The following SUGT1 variants were observed in gnomAD, a reference collection of about 807,000 sequenced individuals.
SUGT1 encodes SGT1 assembly cochaperone of MIS12 kinetochore complex.
A neutral mutation model predicts 56.1 loss-of-function variants in SUGT1; 15 were observed. The observed-to-expected ratio is 0.27, with a 90% CI of 0.18 to 0.41. The LOEUF (loss-of-function observed/expected upper bound fraction) is 0.41. Among genes scored for constraint, SUGT1 ranks in the 10% least tolerant of loss-of-function variants. SUGT1 has a pLI of 1.00. For synonymous variants in SUGT1, 123 were observed against 128.6 expected, an observed-to-expected ratio of 0.96 and a Z score of 0.30; for missense variants, 347 against 382.2, an observed-to-expected ratio of 0.91 and a Z score of 0.77.
Position 52,692,978 on chromosome 13 carries a change from C to G in SUGT1, c.*5143C>G, listed in dbSNP as rs918108381. Reference sequence around the variant, plus strand: ...TTCCTTTAACTTGGGAGCTCTCATACCAGTTCCGTTGTACAAATGCTGAGA... The same window carrying G: ...TTCCTTTAACTTGGGAGCTCTCATAGCAGTTCCGTTGTACAAATGCTGAGA... On this transcript the variant is annotated 3_prime_UTR_variant, in exon 13 of 13. Coordinates refer to ENST00000310528, the MANE Select transcript of SUGT1 (RefSeq NM_006704.5). The G allele has an allele frequency of 3.3e-5, 5 of 152,136 alleles. No individual in the cohort carries two copies. Among genetic ancestry groups the G allele is most frequent in the Non-Finnish European group, 5.9e-5 (4 of 68,028 alleles). The allele number at this position is 152,136 out of a possible 1,614,324, so 9.4% of individuals were successfully genotyped here. A position where few individuals can be genotyped will look rare whatever the true frequency, so the allele number is the denominator to read the frequency against.
At position 52,690,488 on chromosome 13, in the gene SUGT1, A is replaced by G. The variant is rs1029632103; in HGVS notation, c.*2653A>G. Reference sequence around the variant, plus strand: ...CTCTTAAATGTTTCCTTTCCCTTTTAAGGTTAGTCCTGGAATACATGTTTT... The same window carrying G: ...CTCTTAAATGTTTCCTTTCCCTTTTGAGGTTAGTCCTGGAATACATGTTTT... On this transcript the variant is annotated 3_prime_UTR_variant, in exon 13 of 13. Transcript: ENST00000310528. 6.6e-6 allele frequency: 1 copy of G among 152,084 alleles called. No homozygotes were observed. The highest frequency in any genetic ancestry group is 1.5e-5 in the Non-Finnish European group (1 of 68,018). The allele number at this position is 152,084 out of a possible 1,614,324, so 9.4% of individuals were successfully genotyped here.
intron 10 of SUGT1, among the ~76,000 whole-genome samples, chr13:52,669,059 C>T (rs1413749329): frequency 6.6e-6 from 1 of 152,100 alleles, no homozygotes; most frequent in East Asian, 1.9e-4. Flanking sequence ...TTAATTTTAA[C>T]CATTCTTCAA....
rs1327878698 is a variant in SUGT1 at position 52,698,106 on chromosome 13, G to A, written c.*10271G>A. ...TGTGAACAGGGACTTAGGAATATGT[G>A]TAGCATAGGATTTTATTTTAGAGTT... On this transcript the variant is annotated 3_prime_UTR_variant, in exon 13 of 13. Coordinates refer to ENST00000310528, the MANE Select transcript of SUGT1 (RefSeq NM_006704.5). 2.6e-5 allele frequency: 4 copies of A among 152,188 alleles called. No individual in the cohort carries two copies. The highest frequency in any genetic ancestry group is 7.2e-5 in the African/African-American group (3 of 41,440). The allele number at this position is 152,188 out of a possible 1,614,324, so 9.4% of individuals were successfully genotyped here.
At chr13:52,662,157 G>A (rs1962487132) in intron 5 of SUGT1, among the ~76,000 whole-genome samples, 1 of 152,170 alleles carries the variant, frequency 6.6e-6, no homozygotes, top group Non-Finnish European at 1.5e-5. Flanking sequence ...TGGTAGGAAA[G>A]GCATGGTAAC....
At position 52,676,212 on chromosome 13, in the gene SUGT1, A is replaced by G. The variant is rs1963136494; in HGVS notation, c.628-18A>G. On this transcript the variant is annotated intron_variant, in intron 10 of 12. Coordinates refer to ENST00000310528, the MANE Select transcript of SUGT1 (RefSeq NM_006704.5). Reference sequence around the variant, plus strand: ...TATTTTACGTCGAGTAATGGAGTTTATTTGGTGTTTCCTCCAGATTGAAAT... The same window carrying G: ...TATTTTACGTCGAGTAATGGAGTTTGTTTGGTGTTTCCTCCAGATTGAAAT... The G allele has an allele frequency of 1.9e-6, 3 of 1,598,532 alleles. No individual in the cohort carries two copies. Among genetic ancestry groups the G allele is most frequent in the Non-Finnish European group, 2.6e-6 (3 of 1,173,144 alleles).
rs1963752321 is a variant in SUGT1 at position 52,690,722 on chromosome 13, C to T, written c.*2887C>T. 6.6e-6 allele frequency: 1 copy of T among 152,232 alleles called. No individual in the cohort carries two copies. Among genetic ancestry groups the T allele is most frequent in the South Asian group, 2.1e-4 (1 of 4,828 alleles). The allele number at this position is 152,232 out of a possible 1,614,324, so 9.4% of individuals were successfully genotyped here. ...ATTTCCTGTCTTATGTCTTAATACC[C>T]ATTCAGAGTTGACTGCCAACTAACA... On this transcript the variant is annotated 3_prime_UTR_variant, in exon 13 of 13. Coordinates refer to ENST00000310528, the MANE Select transcript of SUGT1 (RefSeq NM_006704.5).
intron 3 of SUGT1, 100 bp downstream of exon 3, chr13:52,657,722 T>C: frequency 9.3e-7 from 1 of 1,076,354 alleles, no homozygotes; most frequent in East Asian, 2.6e-5. Context: ...TTTAAATTGG[T>C]CTTTTATACA....
chr13:52,674,260 C>T (rs1038839532), intron 10 of SUGT1, among the ~76,000 whole-genome samples: 3 of 151,800 alleles, frequency 2.0e-5, no homozygotes, highest in East Asian at 1.9e-4. Context: ...CCATGTTGGC[C>T]GGGCTGGTCT....
At chr13:52,667,817 A>G (rs1962776997) in intron 10 of SUGT1, among the ~76,000 whole-genome samples, 2 of 152,178 alleles carry the variant, frequency 1.3e-5, no homozygotes, top group Admixed American at 1.3e-4. Flanking sequence ...TAGTCTAGGC[A>G]CAAAATGACT....
chr13:52,659,820 T>A (rs796492525), intron 5 of SUGT1, among the ~76,000 whole-genome samples: 104 of 31,308 alleles, frequency 3.3e-3, no homozygotes, highest in African/African-American at 8.3e-3. Flanking sequence ...ATATATTTTT[T>A]TTTTTTTTTT....
At chr13:52,662,546 A>AAG in intron 5 of SUGT1, 103 bp from the exon 6 acceptor site, 1 of 1,148,066 alleles carries the variant, frequency 8.7e-7, no homozygotes, top group Non-Finnish European at 1.3e-6. Flanking sequence ...CCGACTCCCC[A>AAG]GTGCCTAGAA....
intron 12 of SUGT1, among the ~76,000 whole-genome samples, chr13:52,683,744 A>T (rs9596669): frequency 6.6e-6 from 1 of 152,228 alleles, no homozygotes; most frequent in African/African-American, 2.4e-5. Flanking sequence ...ATTTACAGTT[A>T]TGAATTTAGT....
chr13:52,676,679 C>T (rs1056120954), intron 11 of SUGT1, among the ~76,000 whole-genome samples: 1 of 152,112 alleles, frequency 6.6e-6, no homozygotes, highest in African/African-American at 2.4e-5. Flanking sequence ...CCCCTTCTTC[C>T]CTCTCCCTTT....
chr13:52,667,676 AAGT>A (rs1962769013), intron 10 of SUGT1, among the ~76,000 whole-genome samples: 1 of 152,172 alleles, frequency 6.6e-6, no homozygotes, highest in African/African-American at 2.4e-5. Flanking sequence ...TTTCTAAAAG[AAGT>A]AGAGATATAC....
At position 52,679,981 on chromosome 13, in the gene SUGT1, G is replaced by A. The variant is rs202155148; in HGVS notation, c.726G>A (p.Lys242=). 1 of 1,589,088 alleles carries A rather than the reference G, an allele frequency of 6.3e-7. No homozygotes were observed. The highest frequency in any genetic ancestry group is 1.9e-5 in the Admixed American group (1 of 51,948). The change falls in exon 12 of 13, where the codon AAG becomes AAA. Residue 242 remains lysine, a synonymous_variant. Transcript: ENST00000310528. ...CCTTTTTTTACTTCATAGATGTAAAGAACCTATATCCATCATCATCTCCTT... is the reference window on the plus strand; with the variant it reads ...CCTTTTTTTACTTCATAGATGTAAAAAACCTATATCCATCATCATCTCCTT... ...PTPKQFVADV[K]NLYPSSSPYT... is the part of the protein sequence containing the mutation.
Position 52,695,765 on chromosome 13 carries a change from A to G in SUGT1, c.*7930A>G, listed in dbSNP as rs1181869773. On this transcript the variant is annotated 3_prime_UTR_variant, in exon 13 of 13. Transcript: ENST00000310528. ...TGGTCAAACTTTTTCTGCAAAGGGC[A>G]CTTACAGTCTATTGCATATTCTTTG... 6.6e-6 allele frequency: 1 copy of G among 152,226 alleles called. No individual in the cohort carries two copies. The highest frequency in any genetic ancestry group is 1.5e-5 in the Non-Finnish European group (1 of 68,042). The allele number at this position is 152,226 out of a possible 1,614,324, so 9.4% of individuals were successfully genotyped here.
At chr13:52,658,253 C>G (rs773285282) in intron 3 of SUGT1, 146 bp from the exon 4 acceptor site, 22 of 1,522,638 alleles carry the variant, frequency 1.4e-5, no homozygotes, top group Non-Finnish European at 1.8e-5. Context: ...TATTTGAATT[C>G]TATCTTGTAT....
intron 9 of SUGT1, 84 bp from the exon 10 acceptor site, chr13:52,666,728 G>A (rs1962720123): frequency 5.9e-6 from 5 of 844,790 alleles, no homozygotes; most frequent in Admixed American, 2.3e-5. Context: ...TAACATTATT[G>A]AAGATTTGTC....
At chr13:52,653,136 TC>T in intron 2 of SUGT1, 33 bp downstream of exon 2, 1 of 1,613,622 alleles carries the variant, frequency 6.2e-7, no homozygotes, top group Non-Finnish European at 8.5e-7. Context: ...CCTCCACTCT[TC>T]TTAGGGGAGC....
Sources: allele counts gnomAD v4.1 joint callset (sites outside exome capture counted in the v4.1 genomes callset), GRCh38; gene constraint gnomAD v4.1.1; transcripts MANE v1.5; gene names NCBI Gene and HGNC (gene_info 2026-07-23, HGNC 2026-07-21).